Variants in CAST observed in about 807,000 individuals in gnomAD.
The protein encoded by CAST is calpastatin, also known as MIR583 host.
In CAST, 76 loss-of-function variants were observed where a neutral mutation model predicts 119.6. That is an observed-to-expected ratio of 0.64 (90% CI 0.53 to 0.77). The LOEUF (loss-of-function observed/expected upper bound fraction) is 0.77, where lower values mean the gene tolerates loss of function less well. Among genes scored for constraint, CAST ranks in the 30% least tolerant of loss-of-function variants. The pLI, the probability that CAST is intolerant of heterozygous loss-of-function variation, is 0.00. For missense variants in CAST, 953 were observed against 946.5 expected (o/e 1.01, Z -0.09); for synonymous variants, 319 against 331.6 (o/e 0.96, Z 0.41).
At chr5:96,449,510 C>T in the CAST span, among the ~76,000 whole-genome samples, 5 of 152,192 alleles carry the variant, frequency 3.3e-5, no homozygotes, top group Non-Finnish European at 7.3e-5. Flanking sequence ...AAATCAGTCC[C>T]TGGTGCCAAA....
chr5:96,737,836 C>G lies in CAST; in HGVS notation c.700-13C>G, dbSNP rs928513125. ...AACAAATAACATTTAAATATCTGTT[C>G]TTTCTTTTCCAGTCAGGCATGGATG... On this transcript the variant is annotated splice_polypyrimidine_tract_variant and intron_variant, in intron 10 of 31. Coordinates refer to ENST00000675179, the MANE Select transcript of CAST (RefSeq NM_001750.7). 9 of 1,423,360 alleles carry G rather than the reference C, an allele frequency of 6.3e-6. No individual in the cohort carries two copies. The highest frequency in any genetic ancestry group is 8.9e-6 in the Non-Finnish European group (9 of 1,016,202). 88.2% of individuals were successfully genotyped at this position (1,423,360 alleles called of 1,614,324 possible).
At chr5:96,729,761 C>T (rs572097328) in intron 8 of CAST, 36 bp downstream of exon 8, 14 of 871,798 alleles carry the variant, frequency 1.6e-5, no homozygotes, top group Non-Finnish European at 2.8e-5. Flanking sequence ...ACCTTAACAT[C>T]AACTGGATAA....
intron 6 of CAST, chr5:96,728,828 A>G: frequency 4.8e-6 from 1 of 208,342 alleles, no homozygotes; most frequent in Non-Finnish European, 9.7e-6. Context: ...CAGTAGTCAC[A>G]TGGCTCATGT....
At chr5:96,640,083 T>A (rs1747932585) in intron 1 of CAST, among the ~76,000 whole-genome samples, 1 of 152,206 alleles carries the variant, frequency 6.6e-6, no homozygotes. Context: ...GCCTTTTTTC[T>A]CATGTGACAT....
chr5:96,486,086 A>G, the CAST span, among the ~76,000 whole-genome samples: 2 of 152,196 alleles, frequency 1.3e-5, no homozygotes, highest in Non-Finnish European at 2.9e-5. Context: ...AAATTAATAC[A>G]GAGTAGATCA....
intron 3 of CAST, among the ~76,000 whole-genome samples, chr5:96,698,331 T>C (rs1210990739): frequency 2.0e-5 from 3 of 152,182 alleles, no homozygotes; most frequent in African/African-American, 7.2e-5. Flanking sequence ...GTGGAGATGA[T>C]TTAGCTATAT....
At chr5:96,440,984 C>T in the CAST span, among the ~76,000 whole-genome samples, 9 of 152,338 alleles carry the variant, frequency 5.9e-5, no homozygotes, top group East Asian at 1.5e-3. Flanking sequence ...ATTCTCAGCT[C>T]TGCCACTTAT....
chr5:95,989,920 C>T, the CAST span, among the ~76,000 whole-genome samples: 1 of 152,082 alleles, frequency 6.6e-6, no homozygotes, highest in African/African-American at 2.4e-5. Flanking sequence ...ATAACTCTAA[C>T]AAGGAAACAG....
At chr5:96,152,210 AC>A in the CAST span, among the ~76,000 whole-genome samples, 1 of 152,222 alleles carries the variant, frequency 6.6e-6, no homozygotes, top group Non-Finnish European at 1.5e-5. Flanking sequence ...TTGCATTGAC[AC>A]ACTGATTGGA....
the CAST span, among the ~76,000 whole-genome samples, chr5:95,989,584 A>G: frequency 6.6e-6 from 1 of 152,244 alleles, no homozygotes; most frequent in Non-Finnish European, 1.5e-5. Flanking sequence ...ACAGTAAGTC[A>G]AACAGACCAG....
the CAST span, among the ~76,000 whole-genome samples, chr5:96,347,568 C>CA: frequency 1.3e-5 from 2 of 152,112 alleles, no homozygotes; most frequent in African/African-American, 2.4e-5. Flanking sequence ...GGCGGGTCCT[C>CA]AGTTATTATA....
chr5:95,997,075 T>C, the CAST span, among the ~76,000 whole-genome samples: 4 of 152,170 alleles, frequency 2.6e-5, no homozygotes, highest in Non-Finnish European at 5.9e-5. Context: ...CTTAATAGTA[T>C]TTTTCCATAC....
chr5:96,484,272 A>G, the CAST span, among the ~76,000 whole-genome samples: 1 of 151,960 alleles, frequency 6.6e-6, no homozygotes, highest in African/African-American at 2.4e-5. Context: ...TCCCCAACAC[A>G]CTCCAGTTGT....
chr5:96,588,135 A>G (rs1338157461), intron 1 of CAST, among the ~76,000 whole-genome samples: 2 of 151,004 alleles, frequency 1.3e-5, no homozygotes, highest in African/African-American at 2.4e-5. Context: ...AACTGATGCA[A>G]TTAATATGGA....
chr5:96,552,519 A>C (rs903228386), intron 1 of CAST, among the ~76,000 whole-genome samples: 2 of 152,204 alleles, frequency 1.3e-5, no homozygotes, highest in African/African-American at 4.8e-5. Flanking sequence ...CTAAAGAAGC[A>C]AGAGCAAACA....
the CAST span, among the ~76,000 whole-genome samples, chr5:96,015,786 G>A: frequency 6.6e-6 from 1 of 152,182 alleles, no homozygotes. Context: ...TTTTACAGAT[G>A]AGAAAATAGG....
the CAST span, among the ~76,000 whole-genome samples, chr5:96,250,523 T>A: frequency 1.3e-5 from 2 of 152,042 alleles, no homozygotes; most frequent in Non-Finnish European, 2.9e-5. Context: ...GTTAGGGAGC[T>A]CTTCTGGACA....
chr5:96,489,125 A>T, the CAST span, among the ~76,000 whole-genome samples: 3 of 152,246 alleles, frequency 2.0e-5, no homozygotes, highest in Non-Finnish European at 4.4e-5. Context: ...GCACATGCTC[A>T]GCCATCCAGC....
chr5:96,459,599 G>A, the CAST span, among the ~76,000 whole-genome samples: 1 of 152,278 alleles, frequency 6.6e-6, no homozygotes, highest in African/African-American at 2.4e-5. Flanking sequence ...GAGGACCAGA[G>A]AGCCCTCAGA....
Sources: allele counts gnomAD v4.1 joint callset (sites outside exome capture counted in the v4.1 genomes callset), GRCh38; gene constraint gnomAD v4.1.1; transcripts MANE v1.5; gene names NCBI Gene and HGNC (gene_info 2026-07-23, HGNC 2026-07-21).